The following ZNF274 variants were observed in gnomAD, a reference collection of about 807,000 sequenced individuals.
ZNF274 encodes neurotrophin receptor-interacting factor homolog.
Under a neutral mutation model 42.5 loss-of-function variants are expected in ZNF274, and 23 were observed. The ratio of observed to expected loss-of-function variants is 0.54; its 90% CI spans 0.39 to 0.77. The LOEUF (loss-of-function observed/expected upper bound fraction) is 0.77. ZNF274 is among the 30% of genes least tolerant of loss of function. ZNF274 has a pLI of 0.00. For missense variants in ZNF274, 679 were observed against 806.5 expected (o/e 0.84, Z 1.91); for synonymous variants, 292 against 305.4 (o/e 0.96, Z 0.46).
chr19:58,184,339 G>C lies in ZNF274; in HGVS notation c.33+341G>C, dbSNP rs571410248. 6.3e-5 allele frequency: 14 copies of C among 221,266 alleles called. No homozygotes were observed. The East Asian group carries it at 1.4e-3, about 23-fold the overall frequency. 13.7% of individuals were successfully genotyped at this position (221,266 alleles called of 1,614,324 possible). A position where few individuals can be genotyped will look rare whatever the true frequency, so the allele number is the denominator to read the frequency against. On this transcript the variant is annotated intron_variant, in intron 2 of 7. Coordinates refer to ENST00000617501, the MANE Select transcript of ZNF274 (RefSeq NM_133502.3). ...GAGTCTCCCTCTGTCGCCCAGGCTG[G>C]AGTGCAGTGGCGCGATCTTGGCTCA...
intron 4 of ZNF274, among the ~76,000 whole-genome samples, chr19:58,187,371 G>A (rs140185902): frequency 6.6e-6 from 1 of 152,260 alleles, no homozygotes; most frequent in African/African-American, 2.4e-5. Context: ...ATAGGCTTAC[G>A]TGAATGTATG....
Position 58,206,957 on chromosome 19 carries a change from G to C in ZNF274, c.494G>C (p.Arg165Pro). The C allele has an allele frequency of 6.2e-7, 1 of 1,610,372 alleles. No individual in the cohort carries two copies. The highest frequency in any genetic ancestry group is 8.5e-7 in the Non-Finnish European group (1 of 1,178,330). ...GDPEAARQRF[R>P]QFRYKDMTGP... ...CCTGAGGCCGCGCGCCAGAGGTTCC[G>C]GCAGTTCCGTTATAAGGACATGACA... Residue 165 changes from arginine (R) to proline (P), a missense_variant, in exon 5 of 8, where the codon CGG becomes CCG. Coordinates refer to ENST00000617501, the MANE Select transcript of ZNF274 (RefSeq NM_133502.3).
chr19:58,205,403 G>C (rs1287104667), intron 4 of ZNF274, among the ~76,000 whole-genome samples: 1 of 152,170 alleles, frequency 6.6e-6, no homozygotes, highest in Non-Finnish European at 1.5e-5. Flanking sequence ...GGAGTGCAGT[G>C]GTGCAATCAT....
chr19:58,196,335 C>T (rs973639198), intron 4 of ZNF274, among the ~76,000 whole-genome samples: 1 of 152,140 alleles, frequency 6.6e-6, no homozygotes, highest in Non-Finnish European at 1.5e-5. Flanking sequence ...CCAAGGTGGG[C>T]AGATCATTTG....
chr19:58,212,124 C>G lies in ZNF274; in HGVS notation c.980-37C>G. 6.4e-7 allele frequency: 1 copy of G among 1,566,566 alleles called. No homozygotes were observed. Among genetic ancestry groups the G allele is most frequent in the Non-Finnish European group, 8.6e-7 (1 of 1,164,840 alleles). ...CTCTCAGACCCATCCCAGCACATCT[C>G]TCTATGGGATCCACATCTTTTGTTT... On this transcript the variant is annotated intron_variant, in intron 7 of 7. Coordinates refer to ENST00000617501, the MANE Select transcript of ZNF274 (RefSeq NM_133502.3). The surrounding 1 kb of genome is among the most constrained non-coding windows in gnomAD (Gnocchi z 4.6).
Position 58,211,683 on chromosome 19 carries a change from G to A in ZNF274, c.976G>A (p.Val326Met). The part of the protein sequence containing the change: ...MLETFGHLVS[V>M]GWETTLENKE... ...GGAGACCTTTGGGCACCTGGTCTCT[G>A]TGGGTAAGGCTGTGCCCCCTCTTCA... The change falls in exon 7 of 8, where the codon GTG becomes ATG. Residue 326 changes from valine to methionine, a missense_variant. Val to Met is a conservative substitution (Grantham distance 21). Coordinates refer to ENST00000617501, the MANE Select transcript of ZNF274 (RefSeq NM_133502.3). The surrounding 1 kb of genome is among the most constrained non-coding windows in gnomAD (Gnocchi z 4.8). 1 of 1,612,150 alleles carries A rather than the reference G, an allele frequency of 6.2e-7. No individual in the cohort carries two copies. The highest frequency in any genetic ancestry group is 8.5e-7 in the Non-Finnish European group (1 of 1,178,676).
At chr19:58,196,949 T>C (rs1337490553) in intron 4 of ZNF274, among the ~76,000 whole-genome samples, 1 of 152,196 alleles carries the variant, frequency 6.6e-6, no homozygotes, top group Non-Finnish European at 1.5e-5. Flanking sequence ...CTCAGAAATA[T>C]GATCACGTGA....
intron 4 of ZNF274, among the ~76,000 whole-genome samples, chr19:58,199,550 G>C (rs753415957): frequency 5.3e-5 from 8 of 152,136 alleles, no homozygotes; most frequent in Non-Finnish European, 8.8e-5. Flanking sequence ...GTGAAACTCT[G>C]TCTCTACTAA....
intron 4 of ZNF274, among the ~76,000 whole-genome samples, chr19:58,188,620 A>AAAAT (rs1555816813): frequency 9.8e-4 from 69 of 70,330 alleles, no homozygotes; most frequent in South Asian, 1.6e-3. Flanking sequence ...AAAAAAAAAA[A>AAAAT]ATATATATAT....
chr19:58,206,728 G>T lies in ZNF274; in HGVS notation c.265G>T (p.Glu89Ter). The T allele has an allele frequency of 6.3e-7, 1 of 1,578,366 alleles. No homozygotes were observed. Among genetic ancestry groups the T allele is most frequent in the Non-Finnish European group, 8.6e-7 (1 of 1,162,114 alleles). Reference sequence around the variant, plus strand: ...CTGCTTTTGACTTACAGAGTATCCTGAGCTCCAGCTGGACCCTAAATTGGA... The same window carrying T: ...CTGCTTTTGACTTACAGAGTATCCTTAGCTCCAGCTGGACCCTAAATTGGA... ...IPQDTIPEYP[E>*]LQLDPKLDPL... The change falls in exon 5 of 8, where the codon GAG (glutamate) becomes TAG (stop). Residue 89 changes from glutamate to a stop codon, truncating the protein, a stop_gained. Transcript: ENST00000617501. LOFTEE classifies it high-confidence loss of function.
At position 58,213,263 on chromosome 19, in the gene ZNF274, A is replaced by AAATGTCCAACATTCCCAAATGTCC; in HGVS notation, c.*122_*123insTGTCCAACATTCCCAAATGTCCAA. On this transcript the variant is annotated 3_prime_UTR_variant, in exon 8 of 8. Transcript: ENST00000617501. ...GGAAGTATTGAGTGAGGACATTCCC[A>AAATGTCCAACATTCCCAAATGTCC]AAACCAAAGGACAACTGAGGAGACT... 1 of 1,343,876 alleles carries AAATGTCCAACATTCCCAAATGTCC rather than the reference A, an allele frequency of 7.4e-7. No individual in the cohort carries two copies. The highest frequency in any genetic ancestry group is 9.9e-7 in the Non-Finnish European group (1 of 1,009,486). The allele number at this position is 1,343,876 out of a possible 1,614,324, so 83.2% of individuals were successfully genotyped here. A position where few individuals can be genotyped will look rare whatever the true frequency, so the allele number is the denominator to read the frequency against.
intron 4 of ZNF274, among the ~76,000 whole-genome samples, chr19:58,189,626 A>G (rs2075754728): frequency 1.3e-5 from 2 of 152,334 alleles, no homozygotes; most frequent in Admixed American, 6.5e-5. Flanking sequence ...TAAAAAAAAG[A>G]AAAAGTCTTA....
chr19:58,211,419 G>T lies in ZNF274; in HGVS notation c.853-141G>T. ...TAGAACTCTTGTGGGCCCTGGGTTGGTGTCTCTGAGCAAATCCCCAAAGCA... is the reference window on the plus strand; with the variant it reads ...TAGAACTCTTGTGGGCCCTGGGTTGTTGTCTCTGAGCAAATCCCCAAAGCA... On this transcript the variant is annotated intron_variant, in intron 6 of 7. Transcript: ENST00000617501. The surrounding 1 kb of genome is among the most constrained non-coding windows in gnomAD (Gnocchi z 4.8). 5 of 1,117,100 alleles carry T rather than the reference G, an allele frequency of 4.5e-6. No individual in the cohort carries two copies. In the Admixed American group the frequency reaches 1.3e-4, roughly 28 times the overall value. The allele number at this position is 1,117,100 out of a possible 1,614,324, so 69.2% of individuals were successfully genotyped here. A position where few individuals can be genotyped will look rare whatever the true frequency, so the allele number is the denominator to read the frequency against.
At chr19:58,203,011 A>C (rs918314211) in intron 4 of ZNF274, among the ~76,000 whole-genome samples, 1 of 152,218 alleles carries the variant, frequency 6.6e-6, no homozygotes, top group African/African-American at 2.4e-5. Flanking sequence ...AGAATCCAAC[A>C]GTTGTTTTCC....
At chr19:58,193,869 T>C (rs1041842082) in intron 4 of ZNF274, among the ~76,000 whole-genome samples, 2 of 152,124 alleles carry the variant, frequency 1.3e-5, no homozygotes, top group Non-Finnish European at 2.9e-5. Flanking sequence ...GAGGCTGCAT[T>C]GAGCTGTGAT....
intron 1 of ZNF274, 73 bp from the exon 2 acceptor site, chr19:58,183,848 G>C (rs2075661514): frequency 9.5e-7 from 1 of 1,053,136 alleles, no homozygotes; most frequent in South Asian, 1.5e-5. Context: ...AGCCGTTCCT[G>C]GGCGGAGGCT....
Position 58,213,071 on chromosome 19 carries a change from G to C in ZNF274, c.1890G>C (p.Gln630His). ...ACAAATGTGGAAAGGCCTTCACCCA[G>C]AGCTCACACCTTATTGGGCACCAGA... Reference protein sequence around the residue: ...ACNKCGKAFTQSSHLIGHQRT... With the variant: ...ACNKCGKAFTHSSHLIGHQRT... Residue 630 changes from glutamine to histidine, a missense_variant, in exon 8 of 8, where the codon CAG (glutamine) becomes CAC (histidine). Physicochemically the swap from Gln to His is conservative, Grantham distance 24 (BLOSUM62 0). Transcript: ENST00000617501. The C allele has an allele frequency of 1.9e-6, 3 of 1,614,038 alleles. No homozygotes were observed. The highest frequency in any genetic ancestry group is 2.5e-6 in the Non-Finnish European group (3 of 1,179,954).
chr19:58,188,738 A>C (rs541300665), intron 4 of ZNF274, among the ~76,000 whole-genome samples: 2 of 137,644 alleles, frequency 1.5e-5, no homozygotes, highest in South Asian at 4.6e-4. Context: ...CTTTAAAAAT[A>C]GGCCAGGCAC....
At chr19:58,206,335 G>T (rs1257619520) in intron 4 of ZNF274, among the ~76,000 whole-genome samples, 2 of 152,174 alleles carry the variant, frequency 1.3e-5, no homozygotes, top group Non-Finnish European at 2.9e-5. Flanking sequence ...TAGACAATGG[G>T]TTATTTGTAC....
Sources: allele counts gnomAD v4.1 joint callset (sites outside exome capture counted in the v4.1 genomes callset), GRCh38; gene constraint gnomAD v4.1.1; non-coding constraint Gnocchi (gnomAD v3.1); transcripts MANE v1.5; gene names NCBI Gene and HGNC (gene_info 2026-07-23, HGNC 2026-07-21).